ITGA1: variants seen among roughly 807,000 people sequenced by gnomAD.
ITGA1 encodes integrin subunit alpha 1.
A neutral mutation model predicts 145.9 loss-of-function variants in ITGA1; 85 were observed. That is an observed-to-expected ratio of 0.58 (90% CI 0.49 to 0.70). ITGA1 has a LOEUF of 0.70. ITGA1 is among the 30% of genes least tolerant of loss of function. The pLI is 0.00. For synonymous variants in ITGA1, 520 were observed against 495.3 expected, an observed-to-expected ratio of 1.05 and a Z score of -0.66; for missense variants, 1,351 against 1,418.7, an observed-to-expected ratio of 0.95 and a Z score of 0.77.
chr5:52,911,423 A>G lies in ITGA1; in HGVS notation c.1857+1004A>G, dbSNP rs1046822035. 7.8e-4 allele frequency among the ~76,000 whole-genome samples: 105 copies of G among 134,328 alleles called. 1 individual carries two copies. The highest frequency in any genetic ancestry group is 1.4e-3 in the Non-Finnish European group (87 of 64,406). The allele number at this position is 134,328 out of a possible 152,430, so 88.1% of individuals were successfully genotyped here. A position where few individuals can be genotyped will look rare whatever the true frequency, so the allele number is the denominator to read the frequency against. On this transcript the variant is annotated intron_variant, in intron 14 of 28. Coordinates refer to ENST00000282588, the MANE Select transcript of ITGA1 (RefSeq NM_181501.2). ...ATAGTATATAGTGTATATACACTAT[A>G]TAGATACTATATATAGTATAGATAC...
chr5:52,882,742 C>T (rs1394630483), intron 7 of ITGA1: 2 of 152,150 alleles, frequency 1.3e-5, no homozygotes, highest in Non-Finnish European at 2.9e-5. Flanking sequence ...TGTGTGTTCT[C>T]TTATCTCATT....
chr5:52,938,506 C>T (rs978422140), intron 24 of ITGA1, among the ~76,000 whole-genome samples: 1 of 152,016 alleles, frequency 6.6e-6, no homozygotes, highest in African/African-American at 2.4e-5. Context: ...AAATGTTTTC[C>T]TAAGGGCAAG....
intron 6 of ITGA1, among the ~76,000 whole-genome samples, chr5:52,870,512 C>G (rs1207976908): frequency 6.6e-6 from 1 of 152,202 alleles, no homozygotes; most frequent in Non-Finnish European, 1.5e-5. Context: ...TCAGTGGGGT[C>G]ATACACATCT....
At chr5:52,856,693 A>C (rs565429737) in intron 2 of ITGA1, among the ~76,000 whole-genome samples, 2,072 of 151,700 alleles carry the variant, frequency 0.014, 54 homozygotes, top group African/African-American at 0.048. Flanking sequence ...AGAGAGAGAG[A>C]GAGAGAGAGA....
At chr5:52,898,157 C>G in intron 10 of ITGA1, 82 bp from the exon 11 acceptor site, 4 of 875,902 alleles carry the variant, frequency 4.6e-6, no homozygotes, top group Non-Finnish European at 6.6e-6. Context: ...AACAGTATAC[C>G]TATACACATT....
intron 1 of ITGA1, among the ~76,000 whole-genome samples, chr5:52,797,029 G>A (rs772226950): frequency 6.6e-6 from 1 of 152,078 alleles, no homozygotes; most frequent in Non-Finnish European, 1.5e-5. Context: ...TGTAAGGCCA[G>A]TGCAAATTGG....
Position 52,920,430 on chromosome 5 carries a change from C to G in ITGA1, c.2254C>G (p.Arg752Gly). 6.2e-7 allele frequency: 1 copy of G among 1,609,122 alleles called. No individual in the cohort carries two copies. The highest frequency in any genetic ancestry group is 1.1e-5 in the South Asian group (1 of 90,136). The change falls in exon 17 of 29, where the codon CGA becomes GGA. Residue 752 changes from arginine (R) to glycine (G), a missense_variant. Coordinates refer to ENST00000282588, the MANE Select transcript of ITGA1 (RefSeq NM_181501.2). ...ERKVQRNITV[R>G]KSECTKHSFY... is the part of the protein sequence containing the mutation. The stretch of plus-strand genomic sequence containing the variant: ...AAAGGTTCAAAGGAACATCACAGTT[C>G]GAAAATCAGAATGCACTAAGCACTC...
rs1357315625 is a variant in ITGA1 at position 52,954,401 on chromosome 5, A to AT, written c.*1951dup. 1 of 152,232 alleles carries AT rather than the reference A, an allele frequency of 6.6e-6. No individual in the cohort carries two copies. The highest frequency in any genetic ancestry group is 1.9e-4 in the East Asian group (1 of 5,194). The allele number at this position is 152,232 out of a possible 1,614,324, so 9.4% of individuals were successfully genotyped here. A position where few individuals can be genotyped will look rare whatever the true frequency, so the allele number is the denominator to read the frequency against. ...CTAGACAAAGCCCATTTACTGAACC[A>AT]TAAGTGTGCACTTTTAAACTAAATT... On this transcript the variant is annotated 3_prime_UTR_variant, in exon 29 of 29. Transcript: ENST00000282588.
intron 14 of ITGA1, 73 bp downstream of exon 14, chr5:52,910,492 CTTCATGAGTTAT>C: frequency 6.8e-7 from 1 of 1,471,272 alleles, no homozygotes; most frequent in Non-Finnish European, 9.3e-7. Flanking sequence ...ACCTGTCTAA[CTTCATGAGTTAT>C]TTAATTTCTT....
rs1401456384 is a variant in ITGA1 at position 52,952,947 on chromosome 5, G to A, written c.*496G>A. ...TATTCAAATGAGAATATTTTCCCTT[G>A]GTAGAATCCATATACAATATGGATT... is the stretch of plus-strand genomic sequence containing the variant. On this transcript the variant is annotated 3_prime_UTR_variant, in exon 29 of 29. Transcript: ENST00000282588. 3 of 152,062 alleles carry A rather than the reference G, an allele frequency of 2.0e-5. No individual in the cohort carries two copies. The highest frequency in any genetic ancestry group is 6.6e-5 in the Admixed American group (1 of 15,264). The allele number at this position is 152,062 out of a possible 1,614,324, so 9.4% of individuals were successfully genotyped here. A position where few individuals can be genotyped will look rare whatever the true frequency, so the allele number is the denominator to read the frequency against.
At chr5:52,874,479 A>T (rs1749834619) in intron 6 of ITGA1, among the ~76,000 whole-genome samples, 1 of 151,976 alleles carries the variant, frequency 6.6e-6, no homozygotes, top group Non-Finnish European at 1.5e-5. Flanking sequence ...AAACACTCTT[A>T]TCATTTAAGA....
At chr5:52,835,334 G>A (rs1749146294) in intron 1 of ITGA1, among the ~76,000 whole-genome samples, 2 of 152,076 alleles carry the variant, frequency 1.3e-5, no homozygotes, top group Non-Finnish European at 2.9e-5. Flanking sequence ...TTAATATAAA[G>A]CGATACATCC....
At chr5:52,916,555 T>C (rs1163445809) in intron 15 of ITGA1, among the ~76,000 whole-genome samples, 1 of 151,968 alleles carries the variant, frequency 6.6e-6, no homozygotes, top group Non-Finnish European at 1.5e-5. Flanking sequence ...TAAGAACTAA[T>C]GGTCAAATTA....
At chr5:52,880,391 G>A (rs894611397) in intron 6 of ITGA1, among the ~76,000 whole-genome samples, 7 of 152,136 alleles carry the variant, frequency 4.6e-5, no homozygotes, top group Non-Finnish European at 1.0e-4. Context: ...CATAACCAGT[G>A]TACTCTAGAG....
rs1260567878 is a variant in ITGA1, at chr5:52,954,401, A to G, written c.*1950A>G. ...CTAGACAAAGCCCATTTACTGAACCATAAGTGTGCACTTTTAAACTAAATT... is the reference window on the plus strand; with the variant it reads ...CTAGACAAAGCCCATTTACTGAACCGTAAGTGTGCACTTTTAAACTAAATT... On this transcript the variant is annotated 3_prime_UTR_variant, in exon 29 of 29. Transcript: ENST00000282588. 3 of 152,232 alleles carry G rather than the reference A, an allele frequency of 2.0e-5. No individual in the cohort carries two copies. The highest frequency in any genetic ancestry group is 1.9e-4 in the East Asian group (1 of 5,194). The allele number at this position is 152,232 out of a possible 1,614,324, so 9.4% of individuals were successfully genotyped here. A position where few individuals can be genotyped will look rare whatever the true frequency, so the allele number is the denominator to read the frequency against.
At chr5:52,869,190 C>T (rs533772681) in intron 6 of ITGA1, among the ~76,000 whole-genome samples, 1 of 152,210 alleles carries the variant, frequency 6.6e-6, no homozygotes, top group East Asian at 1.9e-4. Flanking sequence ...CAAGGAGTTT[C>T]ACTCTTGCTA....
chr5:52,952,399 C>G lies in ITGA1; in HGVS notation c.3496-8C>G. The G allele has an allele frequency of 7.1e-7, 1 of 1,407,632 alleles. No homozygotes were observed. Among genetic ancestry groups the G allele is most frequent in the South Asian group, 1.3e-5 (1 of 75,538 alleles). The allele number at this position is 1,407,632 out of a possible 1,614,324, so 87.2% of individuals were successfully genotyped here. ...TTAATTGTGTTATGTTTTGTGTTTT[C>G]TCAACAGATTGGATTCTTCAAAAGA... On this transcript the variant is annotated splice_polypyrimidine_tract_variant and splice_region_variant and intron_variant, in intron 28 of 28. Coordinates refer to ENST00000282588, the MANE Select transcript of ITGA1 (RefSeq NM_181501.2).
intron 7 of ITGA1, among the ~76,000 whole-genome samples, chr5:52,884,378 C>T (rs1750013460): frequency 1.3e-5 from 2 of 149,130 alleles, no homozygotes; most frequent in Admixed American, 6.8e-5. Context: ...ACCCAGGAGG[C>T]GGAGGTTGCA....
chr5:52,872,968 G>A lies in ITGA1; in HGVS notation c.624+7151G>A, dbSNP rs182447160. 7.3e-4 allele frequency among the ~76,000 whole-genome samples: 111 copies of A among 152,172 alleles called. 1 individual carries two copies. The highest frequency in any genetic ancestry group is 5.4e-3 in the East Asian group (28 of 5,180). On this transcript the variant is annotated intron_variant, in intron 6 of 28. Coordinates refer to ENST00000282588, the MANE Select transcript of ITGA1 (RefSeq NM_181501.2). Reference sequence around the variant, plus strand: ...GCATTGCTCTTTGTTTTTTGGGTCTGTCTCTTCTAGTAGACTGAATTACAT... The same window carrying A: ...GCATTGCTCTTTGTTTTTTGGGTCTATCTCTTCTAGTAGACTGAATTACAT...
Sources: allele counts gnomAD v4.1 joint callset (sites outside exome capture counted in the v4.1 genomes callset), GRCh38; gene constraint gnomAD v4.1.1; transcripts MANE v1.5; gene names NCBI Gene and HGNC (gene_info 2026-07-23, HGNC 2026-07-21).